The following CGNL1 variants were observed in gnomAD, a reference collection of about 807,000 sequenced individuals.
CGNL1 encodes cingulin-like protein 1.
In CGNL1, 132 loss-of-function variants were observed where a neutral mutation model predicts 141.2. The observed-to-expected ratio is 0.93, with a 90% CI of 0.81 to 1.08. CGNL1 has a LOEUF of 1.08. CGNL1 is among the 50% of genes least tolerant of loss of function. CGNL1 has a pLI of 0.00. For missense variants in CGNL1, 1,870 were observed against 1,588.6 expected (o/e 1.18, Z -3.01); for synonymous variants, 690 against 622.1 (o/e 1.11, Z -1.63).
intron 8 of CGNL1, among the ~76,000 whole-genome samples, chr15:57,490,735 T>G (rs1462032109): frequency 6.6e-6 from 1 of 151,962 alleles, no homozygotes; most frequent in Non-Finnish European, 1.5e-5. Flanking sequence ...CAGGATGAAG[T>G]GGGGGAGAAA....
intron 10 of CGNL1, among the ~76,000 whole-genome samples, chr15:57,522,470 G>A (rs2031329303): frequency 6.6e-6 from 1 of 152,212 alleles, no homozygotes; most frequent in African/African-American, 2.4e-5. Context: ...AGTCACTGCA[G>A]GGACACAAGA....
chr15:57,466,998 G>A (rs2063518316), intron 8 of CGNL1, among the ~76,000 whole-genome samples: 1 of 152,124 alleles, frequency 6.6e-6, no homozygotes, highest in African/African-American at 2.4e-5. Context: ...AATGGATGAG[G>A]GAGAAGAGGA....
intron 4 of CGNL1, among the ~76,000 whole-genome samples, chr15:57,443,403 T>C (rs760153802): frequency 5.9e-5 from 9 of 152,212 alleles, no homozygotes; most frequent in Non-Finnish European, 1.0e-4. Flanking sequence ...CATTTCTTGC[T>C]TGTCCATCTT....
chr15:57,390,835 G>T (rs1207674194), intron 1 of CGNL1, among the ~76,000 whole-genome samples: 2 of 151,976 alleles, frequency 1.3e-5, no homozygotes, highest in Non-Finnish European at 1.5e-5. Context: ...TTTTCTTCGG[G>T]TTAGCCATCA....
intron 8 of CGNL1, among the ~76,000 whole-genome samples, chr15:57,506,902 C>G (rs1567159526): frequency 6.6e-6 from 1 of 152,198 alleles, no homozygotes; most frequent in African/African-American, 2.4e-5. Context: ...GGCCTGCACT[C>G]TTTTTGTTTT....
chr15:57,401,073 A>C (rs1020895063), intron 1 of CGNL1, among the ~76,000 whole-genome samples: 20 of 151,860 alleles, frequency 1.3e-4, no homozygotes, highest in African/African-American at 4.3e-4. Context: ...GGGTTACTCT[A>C]TGTTATTTTG....
intron 16 of CGNL1, 120 bp from the exon 17 acceptor site, chr15:57,545,472 C>G: frequency 2.6e-6 from 2 of 762,048 alleles, no homozygotes; most frequent in South Asian, 1.7e-5. Context: ...GTTTCCCTGA[C>G]CCTAAGCCTT....
chr15:57,458,983 G>A (rs2063413598), intron 7 of CGNL1, among the ~76,000 whole-genome samples: 1 of 152,190 alleles, frequency 6.6e-6, no homozygotes, highest in Non-Finnish European at 1.5e-5. Flanking sequence ...TGGTTCAATG[G>A]AGGTGCATGT....
intron 1 of CGNL1, chr15:57,398,211 A>T (rs1331222556): frequency 6.6e-6 from 1 of 152,244 alleles, no homozygotes; most frequent in Admixed American, 6.5e-5. Flanking sequence ...TTCTACCATG[A>T]AGATAAACAC....
intron 1 of CGNL1, chr15:57,407,028 G>C (rs1457677450): frequency 6.6e-6 from 1 of 152,186 alleles, no homozygotes; most frequent in Admixed American, 6.5e-5. Flanking sequence ...CCTGTAATGG[G>C]GGTAGAGCTG....
At chr15:57,440,657 G>T (rs2063175530) in intron 3 of CGNL1, among the ~76,000 whole-genome samples, 186 bp downstream of exon 3, 1 of 152,062 alleles carries the variant, frequency 6.6e-6, no homozygotes, top group Non-Finnish European at 1.5e-5. Context: ...GGGGGCTTTG[G>T]GAGGGGTGTG....
chr15:57,468,074 A>G (rs1010719960), intron 8 of CGNL1, among the ~76,000 whole-genome samples: 9 of 152,050 alleles, frequency 5.9e-5, no homozygotes, highest in African/African-American at 2.2e-4. Context: ...TGTTGGGGGA[A>G]GTCAGTGGGG....
chr15:57,457,791 T>C (rs2063397700), intron 7 of CGNL1, among the ~76,000 whole-genome samples: 1 of 152,118 alleles, frequency 6.6e-6, no homozygotes, highest in Non-Finnish European at 1.5e-5. Flanking sequence ...ACTGGGCTCC[T>C]CCCTCAACAT....
chr15:57,400,056 T>C (rs1196481137), intron 1 of CGNL1, among the ~76,000 whole-genome samples: 1 of 151,058 alleles, frequency 6.6e-6, no homozygotes, highest in Admixed American at 6.6e-5. Context: ...TGCAGTGGCA[T>C]AATCAAAGCT....
chr15:57,449,104 C>T (rs1468338525), intron 4 of CGNL1, among the ~76,000 whole-genome samples: 1 of 152,186 alleles, frequency 6.6e-6, no homozygotes, highest in Non-Finnish European at 1.5e-5. Context: ...TGAGTTGGAA[C>T]CCTAGTGTCT....
In CGNL1 at chr15:57,544,516, A is replaced by G. The variant is rs2140248291; in HGVS notation, c.3419A>G (p.Tyr1140Cys). The G allele has an allele frequency of 1.2e-6, 2 of 1,613,556 alleles. No individual in the cohort carries two copies. ...KSRIIHLEGS[Y>C]RSSKEGLVVQ... ...CGGATTATCCACCTGGAAGGTTCCTACAGGTCCAGCAAAGAGGGGCTGGTT... is the reference window on the plus strand; with the variant it reads ...CGGATTATCCACCTGGAAGGTTCCTGCAGGTCCAGCAAAGAGGGGCTGGTT... Residue 1140 changes from tyrosine to cysteine, a missense_variant, in exon 16 of 19, where the codon TAC (tyrosine) becomes TGC (cysteine). Physicochemically the swap from Tyr to Cys is radical, Grantham distance 194. Transcript: ENST00000281282.
At chr15:57,413,463 T>C (rs2062815567) in intron 1 of CGNL1, among the ~76,000 whole-genome samples, 3 of 151,892 alleles carry the variant, frequency 2.0e-5, no homozygotes, top group Admixed American at 2.0e-4. Context: ...AAGATGGGGG[T>C]TTTGCCCAGG....
intron 12 of CGNL1, 85 bp downstream of exon 12, chr15:57,524,836 G>T (rs1299132374): frequency 9.5e-6 from 13 of 1,362,920 alleles, no homozygotes; most frequent in Non-Finnish European, 1.2e-5. Flanking sequence ...GGACTTGGGG[G>T]TAGATTCGTG....
At chr15:57,388,119 T>C (rs7178336) in intron 1 of CGNL1, among the ~76,000 whole-genome samples, 2,082 of 152,258 alleles carry the variant, frequency 0.014, 59 homozygotes, top group African/African-American at 0.047. Flanking sequence ...GGGGCTTCAG[T>C]GGGCAGAGAT....
Sources: gnomAD v4.1 joint callset for allele counts (sites outside exome capture counted in the v4.1 genomes callset) on GRCh38, gnomAD v4.1.1 for gene constraint, MANE v1.5 for transcripts, NCBI Gene and HGNC (gene_info 2026-07-23, HGNC 2026-07-21) for gene names.